CDKAL1: variants seen among roughly 807,000 people sequenced by gnomAD.
CDKAL1 encodes CDKAL1 threonylcarbamoyladenosine tRNA methylthiotransferase.
A neutral mutation model predicts 68.2 loss-of-function variants in CDKAL1; 32 were observed. The ratio of observed to expected loss-of-function variants is 0.47; its 90% CI spans 0.35 to 0.63. The LOEUF is 0.63. Among genes scored for constraint, CDKAL1 ranks in the 30% least tolerant of loss-of-function variants. CDKAL1 has a pLI of 0.00. For missense variants in CDKAL1, 606 were observed against 696.7 expected (o/e 0.87, Z 1.47); for synonymous variants, 234 against 244.3 (o/e 0.96, Z 0.39).
intron 10 of CDKAL1, among the ~76,000 whole-genome samples, chr6:20,961,295 T>C (rs953597898): frequency 3.3e-5 from 5 of 152,106 alleles, no homozygotes; most frequent in Non-Finnish European, 5.9e-5. Flanking sequence ...TGCAGGAACA[T>C]AGATGGAACT....
intron 15 of CDKAL1, among the ~76,000 whole-genome samples, chr6:21,202,447 C>A (rs1270100851): frequency 2.0e-5 from 3 of 151,760 alleles, no homozygotes; most frequent in Admixed American, 6.6e-5. Flanking sequence ...CAGGAAGGAG[C>A]AGTGTAACCT....
chr6:20,612,418 A>AT (rs905023523), intron 4 of CDKAL1, among the ~76,000 whole-genome samples: 2 of 151,268 alleles, frequency 1.3e-5, no homozygotes, highest in Non-Finnish European at 3.0e-5. Flanking sequence ...AGCACCTGTT[A>AT]TTTTTTGTCT....
intron 5 of CDKAL1, among the ~76,000 whole-genome samples, chr6:20,659,263 T>A (rs1769173917): frequency 6.6e-6 from 1 of 152,238 alleles, no homozygotes; most frequent in Non-Finnish European, 1.5e-5. Context: ...TAAATAATAC[T>A]ATAGTTTGTT....
chr6:20,717,460 A>G (rs760122258), intron 5 of CDKAL1, among the ~76,000 whole-genome samples: 3 of 151,728 alleles, frequency 2.0e-5, no homozygotes, highest in East Asian at 2.0e-4. Flanking sequence ...CAGCTGATCT[A>G]TTGTAACAGG....
intron 8 of CDKAL1, among the ~76,000 whole-genome samples, chr6:20,801,605 A>C (rs1378561745): frequency 6.6e-6 from 1 of 152,180 alleles, no homozygotes; most frequent in East Asian, 1.9e-4. Flanking sequence ...ATTTTATGTA[A>C]AATTTTGAAA....
rs1218523012 is a variant in CDKAL1, at chr6:20,909,962, G to C, written c.743-45457G>C. Among the ~76,000 whole-genome samples, 6 of 152,302 alleles carry C rather than the reference G, an allele frequency of 3.9e-5. No individual in the cohort carries two copies. In the East Asian group the frequency reaches 7.7e-4, roughly 20 times the overall value. On this transcript the variant is annotated intron_variant, in intron 9 of 15. Coordinates refer to ENST00000274695, the MANE Select transcript of CDKAL1 (RefSeq NM_017774.3). ...TAAATCCACTTTCACCTCCCCAGAA[G>C]ATAAGCATTATTTGTAGTTATCTAG...
At chr6:20,660,968 G>GA (rs910901911) in intron 5 of CDKAL1, among the ~76,000 whole-genome samples, 16 of 150,144 alleles carry the variant, frequency 1.1e-4, no homozygotes, top group East Asian at 1.9e-4. Flanking sequence ...CACCAAAATT[G>GA]AAAAAAAAAT....
chr6:21,161,872 G>T (rs1033367359), intron 13 of CDKAL1, among the ~76,000 whole-genome samples: 1 of 152,144 alleles, frequency 6.6e-6, no homozygotes, highest in African/African-American at 2.4e-5. Flanking sequence ...TCTACTAAAA[G>T]CTGCATTTAG....
intron 12 of CDKAL1, among the ~76,000 whole-genome samples, chr6:21,090,665 T>C (rs1772955193): frequency 6.6e-6 from 1 of 152,220 alleles, no homozygotes; most frequent in African/African-American, 2.4e-5. Context: ...TCACTTTTTA[T>C]TTGTTCAGGG....
chr6:20,940,704 A>G (rs1486881496), intron 9 of CDKAL1, among the ~76,000 whole-genome samples: 1 of 152,214 alleles, frequency 6.6e-6, no homozygotes, highest in African/African-American at 2.4e-5. Flanking sequence ...TGCCCAGCTC[A>G]GTTGTAAAAA....
At chr6:21,157,177 C>CT (rs2151058019) in intron 13 of CDKAL1, among the ~76,000 whole-genome samples, 2 of 152,290 alleles carry the variant, frequency 1.3e-5, no homozygotes, top group African/African-American at 4.8e-5. Context: ...TGCTCCTAGC[C>CT]AGCAGTGTTA....
At chr6:20,623,490 A>G (rs1410142738) in intron 4 of CDKAL1, among the ~76,000 whole-genome samples, 2 of 152,100 alleles carry the variant, frequency 1.3e-5, no homozygotes, top group Non-Finnish European at 2.9e-5. Context: ...CACTTTCCCA[A>G]AATCAGTGAG....
At chr6:20,612,412 C>T (rs1766658110) in intron 4 of CDKAL1, among the ~76,000 whole-genome samples, 2 of 151,472 alleles carry the variant, frequency 1.3e-5, no homozygotes, top group Admixed American at 1.3e-4. Flanking sequence ...CTTATAAGCA[C>T]CTGTTATTTT....
In CDKAL1 at chr6:20,983,099, A is replaced by T. The variant is rs541470694; in HGVS notation, c.910-17128A>T. On this transcript the variant is annotated intron_variant, in intron 10 of 15. Transcript: ENST00000274695. The stretch of plus-strand genomic sequence containing the variant: ...TTTACGTTCCAATTAAAGAACTGAC[A>T]TGTGAAAACAATTTTACCAAGTGAA... Among the ~76,000 whole-genome samples the T allele has an allele frequency of 1.2e-4, 18 of 152,342 alleles. No individual in the cohort carries two copies. In the East Asian group the frequency reaches 3.5e-3, roughly 29 times the overall value.
At chr6:20,563,485 C>A (rs1279158131) in intron 4 of CDKAL1, among the ~76,000 whole-genome samples, 2 of 152,000 alleles carry the variant, frequency 1.3e-5, no homozygotes, top group East Asian at 1.9e-4. Flanking sequence ...AAGCCATAAA[C>A]AAGGGCTTTT....
chr6:20,803,111 A>G (rs1343700888), intron 8 of CDKAL1, among the ~76,000 whole-genome samples: 3 of 152,092 alleles, frequency 2.0e-5, no homozygotes, highest in Non-Finnish European at 4.4e-5. Flanking sequence ...AATTGTGAAA[A>G]CTTTTTTACT....
At chr6:20,568,823 A>G (rs1280857333) in intron 4 of CDKAL1, among the ~76,000 whole-genome samples, 1 of 151,950 alleles carries the variant, frequency 6.6e-6, no homozygotes, top group East Asian at 1.9e-4. Context: ...ACTCCTCCCT[A>G]TGCTGCCACT....
chr6:20,768,486 T>C (rs1774797576), intron 7 of CDKAL1, among the ~76,000 whole-genome samples: 1 of 152,214 alleles, frequency 6.6e-6, no homozygotes, highest in Non-Finnish European at 1.5e-5. Flanking sequence ...TCTTTCCTTG[T>C]GCCCTCCTTC....
intron 4 of CDKAL1, among the ~76,000 whole-genome samples, chr6:20,647,141 T>A (rs901660876): frequency 5.3e-5 from 8 of 152,244 alleles, no homozygotes; most frequent in Non-Finnish European, 1.5e-5. Context: ...CATAATATGG[T>A]TCTCATAGTA....
Sources: gnomAD v4.1 joint callset for allele counts (sites outside exome capture counted in the v4.1 genomes callset) on GRCh38, gnomAD v4.1.1 for gene constraint, MANE v1.5 for transcripts, NCBI Gene and HGNC (gene_info 2026-07-23, HGNC 2026-07-21) for gene names.